The following RBFOX1 variants were observed in gnomAD, a reference collection of about 807,000 sequenced individuals.
RBFOX1 encodes RNA binding protein fox-1 homolog 1.
RBFOX1 carries 8 observed loss-of-function variants against 57.7 expected under a neutral mutation model. That is an observed-to-expected ratio of 0.14 (90% confidence interval 0.08 to 0.25). The LOEUF (loss-of-function observed/expected upper bound fraction) is 0.25, where lower values mean the gene tolerates loss of function less well. Ranked by LOEUF, RBFOX1 falls within the 10% of genes least tolerant of loss-of-function variation. The pLI is 1.00. For missense variants in RBFOX1, 611 were observed against 548.5 expected, an observed-to-expected ratio of 1.11 and a Z score of -1.14; for synonymous variants, 326 against 222.4, an observed-to-expected ratio of 1.47 and a Z score of -4.15.
chr16:5,486,882 C>T (rs1037440710), intron 2 of RBFOX1, among the ~76,000 whole-genome samples: 4 of 151,908 alleles, frequency 2.6e-5, no homozygotes, highest in Non-Finnish European at 5.9e-5. Flanking sequence ...CCTGTGAGAC[C>T]CAGCAACCTC....
chr16:5,519,539 C>G (rs1011843250), intron 2 of RBFOX1, among the ~76,000 whole-genome samples: 2 of 152,110 alleles, frequency 1.3e-5, no homozygotes, highest in Non-Finnish European at 2.9e-5. Context: ...GCCTGGGCAA[C>G]CAGGGGAGAC....
intron 4 of RBFOX1, among the ~76,000 whole-genome samples, chr16:7,494,632 A>C (rs187439586): frequency 3.9e-5 from 6 of 152,294 alleles, no homozygotes; most frequent in Non-Finnish European, 8.8e-5. Flanking sequence ...TGCAGTTTTT[A>C]TCTCTCTTAT....
chr16:6,438,383 G>A (rs2094292943), intron 2 of RBFOX1, among the ~76,000 whole-genome samples: 1 of 152,094 alleles, frequency 6.6e-6, no homozygotes. Flanking sequence ...AAGAAGTGGT[G>A]GAGTTGGACT....
chr16:7,261,142 C>A (rs752890465), intron 4 of RBFOX1, among the ~76,000 whole-genome samples: 1 of 138,622 alleles, frequency 7.2e-6, no homozygotes, highest in Admixed American at 6.8e-5. Context: ...ATCCAAAGAG[C>A]CAACCCACTA....
At chr16:6,552,308 C>T (rs377520641) in intron 2 of RBFOX1, among the ~76,000 whole-genome samples, 3 of 152,128 alleles carry the variant, frequency 2.0e-5, no homozygotes, top group African/African-American at 7.2e-5. Context: ...TATCAGGAAA[C>T]CAATCATACC....
intron 2 of RBFOX1, among the ~76,000 whole-genome samples, chr16:6,482,564 A>G (rs1353252658): frequency 6.6e-6 from 1 of 152,244 alleles, no homozygotes; most frequent in Non-Finnish European, 1.5e-5. Flanking sequence ...TTAAAAGGTG[A>G]TCTCTAAATT....
intron 2 of RBFOX1, among the ~76,000 whole-genome samples, chr16:6,393,489 C>T (rs971061718): frequency 6.6e-6 from 1 of 152,176 alleles, no homozygotes; most frequent in African/African-American, 2.4e-5. Context: ...CTGATCCATG[C>T]ATGGAACAGG....
chr16:5,915,403 A>C (rs1340591115), intron 4 of RBFOX1, among the ~76,000 whole-genome samples: 2 of 152,224 alleles, frequency 1.3e-5, no homozygotes, highest in African/African-American at 4.8e-5. Context: ...CAACACTTGT[A>C]CCTAAATGAT....
chr16:6,546,460 C>A (rs1048006723), intron 2 of RBFOX1, among the ~76,000 whole-genome samples: 1 of 152,168 alleles, frequency 6.6e-6, no homozygotes, highest in Non-Finnish European at 1.5e-5. Context: ...TAAGGGAATT[C>A]TGCCTTGCTT....
At chr16:6,122,131 C>T (rs1284609848) in intron 1 of RBFOX1, among the ~76,000 whole-genome samples, 2 of 152,154 alleles carry the variant, frequency 1.3e-5, no homozygotes, top group African/African-American at 4.8e-5. Context: ...GTCTCGAACT[C>T]CTGGCCTCAG....
intron 2 of RBFOX1, among the ~76,000 whole-genome samples, chr16:5,516,340 G>A (rs1307733900): frequency 1.3e-5 from 2 of 151,118 alleles, no homozygotes; most frequent in African/African-American, 2.4e-5. Flanking sequence ...CTCACTTCCT[G>A]TCTCCCATTA....
rs1018503031 is a variant in RBFOX1, at chr16:6,871,963, T to G, written c.-15-180094T>G. On this transcript the variant is annotated intron_variant, in intron 3 of 15. Coordinates refer to ENST00000550418, the MANE Select transcript of RBFOX1 (RefSeq NM_018723.4). ...TGTGTGTGTGTGTGTGTGTGTGTGT[T>G]TCCCTCGGTAGAGTATGGGGATCTC... is the stretch of plus-strand genomic sequence containing the variant. 4.5e-4 allele frequency among the ~76,000 whole-genome samples: 44 copies of G among 98,248 alleles called. 3 individuals carry two copies. In the South Asian group the frequency reaches 0.014, roughly 31 times the overall value. The allele number at this position is 98,248 out of a possible 152,430, so 64.5% of individuals were successfully genotyped here. A position where few individuals can be genotyped will look rare whatever the true frequency, so the allele number is the denominator to read the frequency against.
At chr16:7,378,848 CAA>C (rs2097733618) in intron 4 of RBFOX1, among the ~76,000 whole-genome samples, 1 of 152,120 alleles carries the variant, frequency 6.6e-6, no homozygotes, top group South Asian at 2.1e-4. Flanking sequence ...AAGGACCTTC[CAA>C]AGAGGTGGGG....
intron 4 of RBFOX1, among the ~76,000 whole-genome samples, chr16:7,469,251 A>G (rs1278785406): frequency 6.6e-6 from 1 of 151,602 alleles, no homozygotes; most frequent in African/African-American, 2.4e-5. Context: ...CTTAGTAGAG[A>G]CAGGGTTTCA....
At chr16:7,616,823 T>C (rs1208171559) in intron 10 of RBFOX1, among the ~76,000 whole-genome samples, 1 of 152,078 alleles carries the variant, frequency 6.6e-6, no homozygotes, top group East Asian at 1.9e-4. Context: ...TGAGCCACCA[T>C]GGCTGGCGCA....
rs142957786 is a variant in RBFOX1 at position 6,686,875 on chromosome 16, A to G, written c.-16+32225A>G. Among the ~76,000 whole-genome samples the G allele has an allele frequency of 5.3e-3, 811 of 152,330 alleles. 9 individuals carry two copies. Among genetic ancestry groups the G allele is most frequent in the African/African-American group, 0.018 (763 of 41,574 alleles). ...CTGTGTTGTATTTTGAGTGCTTAAG[A>G]CAATGATAATCTTCCAAGAAATGCT... On this transcript the variant is annotated intron_variant, in intron 3 of 15. Transcript: ENST00000550418.
chr16:7,558,506 T>TATATAC (rs2152642608), intron 5 of RBFOX1, among the ~76,000 whole-genome samples: 1 of 152,246 alleles, frequency 6.6e-6, no homozygotes, highest in East Asian at 1.9e-4. Context: ...TTCGTATATG[T>TATATAC]ATATACATAT....
intron 2 of RBFOX1, among the ~76,000 whole-genome samples, chr16:6,364,189 T>C (rs1311409827): frequency 2.0e-5 from 3 of 152,202 alleles, no homozygotes; most frequent in African/African-American, 7.2e-5. Context: ...AGGACCTTTT[T>C]CAAATTGCAT....
chr16:7,587,309 C>T lies in RBFOX1; in HGVS notation c.468+9C>T, dbSNP rs2094181647. The T allele has an allele frequency of 6.5e-7, 1 of 1,547,146 alleles. No individual in the cohort carries two copies. Among genetic ancestry groups the T allele is most frequent in the East Asian group, 2.3e-5 (1 of 43,310 alleles). ...ATGAGCGAGGCTCAAAGGTAAGCAA[C>T]TTAATTCACTTTAGAATTGTTTAGT... On this transcript the variant is annotated intron_variant, in intron 7 of 15. Transcript: ENST00000550418.
Sources: allele counts gnomAD v4.1 joint callset (sites outside exome capture counted in the v4.1 genomes callset), GRCh38; gene constraint gnomAD v4.1.1; transcripts MANE v1.5; gene names NCBI Gene and HGNC (gene_info 2026-07-23, HGNC 2026-07-21).